ADAM22: variants seen among roughly 807,000 people sequenced by gnomAD.
ADAM22 encodes ADAM metallopeptidase domain 22.
ADAM22 carries 65 observed loss-of-function variants against 144.6 expected under a neutral mutation model. That is an observed-to-expected ratio of 0.45 (90% CI 0.37 to 0.55). The LOEUF (loss-of-function observed/expected upper bound fraction) is 0.55. ADAM22 is among the 20% of genes least tolerant of loss of function. ADAM22 has a pLI of 0.00. For synonymous variants in ADAM22, 391 were observed against 412.6 expected, an observed-to-expected ratio of 0.95 and a Z score of 0.63; for missense variants, 974 against 1,184.9, an observed-to-expected ratio of 0.82 and a Z score of 2.61.
intron 4 of ADAM22, among the ~76,000 whole-genome samples, chr7:88,083,749 G>A (rs1253363188): frequency 2.0e-5 from 3 of 151,938 alleles, no homozygotes; most frequent in African/African-American, 7.3e-5. Context: ...ATTCTTGTAA[G>A]CGACCTAGAT....
rs151065514 is a variant in ADAM22, at chr7:88,094,452, C to A, written c.391-13724C>A. The stretch of plus-strand genomic sequence containing the variant: ...GCAGAAAGAAACCAGAGAAGGTGGA[C>A]AGAATAAGAGGTGGAGCAAGTGCAC... On this transcript the variant is annotated intron_variant, in intron 4 of 31. Transcript: ENST00000413139. Among the ~76,000 whole-genome samples, 325 of 152,064 alleles carry A rather than the reference C, an allele frequency of 2.1e-3. 2 individuals are homozygous for A. Among genetic ancestry groups the A allele is most frequent in the African/African-American group, 7.6e-3 (314 of 41,460 alleles).
Position 88,028,005 on chromosome 7 carries a change from G to A in ADAM22, c.324-47621G>A, listed in dbSNP as rs535802563. Among the ~76,000 whole-genome samples, 28 of 152,172 alleles carry A rather than the reference G, an allele frequency of 1.8e-4. No individual in the cohort carries two copies. In the South Asian group the frequency reaches 5.0e-3, roughly 27 times the overall value. On this transcript the variant is annotated intron_variant, in intron 3 of 31. Transcript: ENST00000413139. ...GGGTTTCACCATGTTGGCTGGCCTC[G>A]AACTCCTGACCTCAAGTGATCTGCC...
At chr7:88,195,557 C>A (rs1216180671) in intron 31 of ADAM22, among the ~76,000 whole-genome samples, 2 of 152,090 alleles carry the variant, frequency 1.3e-5, no homozygotes, top group African/African-American at 4.8e-5. Context: ...GCTCAGTCGC[C>A]CAGGCTATAG....
At chr7:88,079,067 A>T (rs893025781) in intron 4 of ADAM22, among the ~76,000 whole-genome samples, 6 of 152,210 alleles carry the variant, frequency 3.9e-5, no homozygotes, top group Non-Finnish European at 8.8e-5. Flanking sequence ...AGTTGAAATG[A>T]AGGAAAAAAT....
intron 17 of ADAM22, among the ~76,000 whole-genome samples, chr7:88,146,371 A>C (rs965363735): frequency 6.6e-6 from 1 of 152,274 alleles, no homozygotes. Flanking sequence ...AAACTATCAT[A>C]GTAAGTATCT....
chr7:88,037,317 A>G (rs915259679), intron 3 of ADAM22, among the ~76,000 whole-genome samples: 3 of 152,176 alleles, frequency 2.0e-5, no homozygotes, highest in East Asian at 1.9e-4. Flanking sequence ...TAAAAATTCA[A>G]TTTTTTCTTA....
At chr7:88,154,464 C>A (rs1839332329) in intron 21 of ADAM22, among the ~76,000 whole-genome samples, 1 of 152,096 alleles carries the variant, frequency 6.6e-6, no homozygotes, top group Admixed American at 6.5e-5. Flanking sequence ...CTTCAAAGCC[C>A]AGCTTGGGAA....
chr7:87,986,138 A>T (rs1242210566), intron 3 of ADAM22, among the ~76,000 whole-genome samples: 1 of 152,182 alleles, frequency 6.6e-6, no homozygotes, highest in Non-Finnish European at 1.5e-5. Context: ...TTGGGATTCT[A>T]CTATTGGTAG....
intron 3 of ADAM22, among the ~76,000 whole-genome samples, chr7:87,981,289 T>A (rs146047323): frequency 2.1e-3 from 320 of 152,306 alleles, no homozygotes; most frequent in African/African-American, 7.0e-3. Flanking sequence ...CTGCTTTTTT[T>A]GGAAGGGATT....
At chr7:88,117,641 T>C (rs1437407710) in intron 7 of ADAM22, among the ~76,000 whole-genome samples, 1 of 152,118 alleles carries the variant, frequency 6.6e-6, no homozygotes, top group East Asian at 1.9e-4. Flanking sequence ...AGAAGATATC[T>C]GGATATCTGG....
intron 3 of ADAM22, among the ~76,000 whole-genome samples, chr7:88,058,316 T>G (rs866514810): frequency 1.3e-4 from 20 of 152,330 alleles, no homozygotes; most frequent in Middle Eastern, 3.4e-3. Flanking sequence ...AAACTTTGTT[T>G]TAAAATGGGA....
chr7:88,093,002 T>C lies in ADAM22; in HGVS notation c.391-15174T>C, dbSNP rs556362518. Among the ~76,000 whole-genome samples, 3 of 152,308 alleles carry C rather than the reference T, an allele frequency of 2.0e-5. No homozygotes were observed. In the South Asian group the frequency reaches 6.2e-4, roughly 32 times the overall value. ...AAAGAGTTATTTCATCTGTTAATGT[T>C]CAAGATGTTATCTATAAACTTAAAA... On this transcript the variant is annotated intron_variant, in intron 4 of 31. Transcript: ENST00000413139.
chr7:88,130,366 A>T (rs1356887843), intron 9 of ADAM22, 22 bp from the exon 10 acceptor site: 7 of 1,601,090 alleles, frequency 4.4e-6, no homozygotes, highest in Non-Finnish European at 4.3e-6. Context: ...CAAGACCTTC[A>T]CTTGTTTTCT....
At chr7:88,126,652 A>G (rs1830484860) in intron 8 of ADAM22, among the ~76,000 whole-genome samples, 1 of 151,792 alleles carries the variant, frequency 6.6e-6, no homozygotes, top group African/African-American at 2.4e-5. Flanking sequence ...GCACATTTTG[A>G]TTTATTTTTT....
intron 7 of ADAM22, among the ~76,000 whole-genome samples, chr7:88,118,671 C>CTT (rs545096159): frequency 7.2e-6 from 1 of 139,240 alleles, no homozygotes; most frequent in Admixed American, 7.2e-5. Context: ...ATATATATAT[C>CTT]TTTTTTTTTT....
intron 30 of ADAM22, among the ~76,000 whole-genome samples, chr7:88,189,569 G>C (rs749140265): frequency 1.8e-4 from 28 of 152,148 alleles, no homozygotes; most frequent in Admixed American, 5.2e-4. Context: ...TCCAAAATCT[G>C]TACCTTTTCC....
intron 2 of ADAM22, among the ~76,000 whole-genome samples, chr7:87,955,373 G>T (rs1482098723): frequency 2.0e-5 from 3 of 152,190 alleles, no homozygotes; most frequent in Admixed American, 1.3e-4. Context: ...TCAGCTGCAG[G>T]TCTGTTGGAG....
chr7:88,198,567 C>T lies in ADAM22; in HGVS notation c.*2076C>T, dbSNP rs527274968. ...AACGTGCACTGAATGTTTCCTGGTA[C>T]TGAGTGTACAAAAGGCTAATGCTAT... On this transcript the variant is annotated 3_prime_UTR_variant, in exon 32 of 32. Coordinates refer to ENST00000413139, the MANE Select transcript of ADAM22 (RefSeq NM_001324418.2). 108 of 152,270 alleles carry T rather than the reference C, an allele frequency of 7.1e-4. No homozygotes were observed. The highest frequency in any genetic ancestry group is 2.5e-3 in the African/African-American group (105 of 41,554). 9.4% of individuals were successfully genotyped at this position (152,270 alleles called of 1,614,324 possible).
chr7:87,989,849 G>A (rs112579489), intron 3 of ADAM22, among the ~76,000 whole-genome samples: 3 of 152,024 alleles, frequency 2.0e-5, no homozygotes, highest in Non-Finnish European at 2.9e-5. Flanking sequence ...CTGGGAGGTG[G>A]AGTTTGCAGT....
Sources: allele counts gnomAD v4.1 joint callset (sites outside exome capture counted in the v4.1 genomes callset), GRCh38; gene constraint gnomAD v4.1.1; transcripts MANE v1.5; gene names NCBI Gene and HGNC (gene_info 2026-07-23, HGNC 2026-07-21).